The following ITFG1 variants were observed in gnomAD, a reference collection of about 807,000 sequenced individuals.
The protein encoded by ITFG1 is integrin alpha FG-GAP repeat containing 1.
ITFG1 carries 34 observed loss-of-function variants against 81.8 expected under a neutral mutation model. That is an observed-to-expected ratio of 0.42 (90% CI 0.32 to 0.55). ITFG1 has a LOEUF of 0.55. ITFG1 is among the 20% of genes least tolerant of loss of function. The pLI, the probability that ITFG1 is intolerant of heterozygous loss-of-function variation, is 0.17. For synonymous variants in ITFG1, 285 were observed against 270.6 expected (o/e 1.05, Z -0.52); for missense variants, 672 against 755.4 (o/e 0.89, Z 1.29).
rs147762303 is a variant in ITFG1, at chr16:47,238,266, CA to C, written c.1331-259del. On this transcript the variant is annotated intron_variant, in intron 12 of 17. Transcript: ENST00000320640. ...GAGATAAATTATGATTATATCATAC[CA>C]TACCTAAAATAGAACCTGTTGGTTC... 2.6e-3 allele frequency: 707 copies of C among 270,134 alleles called. 6 individuals carry two copies. Among genetic ancestry groups the C allele is most frequent in the African/African-American group, 0.015 (659 of 45,124 alleles). The allele number at this position is 270,134 out of a possible 1,614,324, so 16.7% of individuals were successfully genotyped here.
rs1031243179 is a variant in ITFG1 at position 47,460,906 on chromosome 16, C to A, written c.140G>T (p.Trp47Leu). 1.9e-6 allele frequency: 3 copies of A among 1,613,402 alleles called. No homozygotes were observed. In the Admixed American group the frequency reaches 5.0e-5, roughly 27 times the overall value. Reference sequence around the variant, plus strand: ...GTCCCCGAAAGCCGCAAGGGTGCCCCAGGCCTCGGCCCCAAAGAGCTCGGC... The same window carrying A: ...GTCCCCGAAAGCCGCAAGGGTGCCCAAGGCCTCGGCCCCAAAGAGCTCGGC... Reference protein sequence around the residue: ...VTAELFGAEAWGTLAAFGDLN... With the variant: ...VTAELFGAEALGTLAAFGDLN... The change falls in exon 1 of 18, where the codon TGG becomes TTG. Residue 47 changes from tryptophan to leucine, a missense_variant. Physicochemically the swap from Trp to Leu is moderately conservative, Grantham distance 61. Coordinates refer to ENST00000320640, the MANE Select transcript of ITFG1 (RefSeq NM_030790.5).
chr16:47,334,160 T>C (rs1967672568), intron 8 of ITFG1, among the ~76,000 whole-genome samples: 1 of 152,184 alleles, frequency 6.6e-6, no homozygotes, highest in South Asian at 2.1e-4. Context: ...TGAATGAATA[T>C]ATTTTAGGCT....
intron 6 of ITFG1, among the ~76,000 whole-genome samples, chr16:47,396,991 T>G (rs998443951): frequency 7.2e-5 from 11 of 152,044 alleles, no homozygotes; most frequent in African/African-American, 2.7e-4. Context: ...AGATGTTATG[T>G]CTCCAGTGAA....
chr16:47,324,533 C>A (rs569302732), intron 8 of ITFG1, among the ~76,000 whole-genome samples: 1 of 152,080 alleles, frequency 6.6e-6, no homozygotes, highest in Non-Finnish European at 1.5e-5. Flanking sequence ...TTAAAAGGCA[C>A]GGACTGGCAA....
intron 6 of ITFG1, among the ~76,000 whole-genome samples, chr16:47,391,171 C>A (rs1968525543): frequency 6.6e-6 from 1 of 152,032 alleles, no homozygotes; most frequent in Non-Finnish European, 1.5e-5. Context: ...CAGAGAACTT[C>A]AGATCAGGTT....
intron 8 of ITFG1, among the ~76,000 whole-genome samples, chr16:47,356,529 A>G (rs1275026759): frequency 6.6e-6 from 1 of 152,230 alleles, no homozygotes; most frequent in East Asian, 1.9e-4. Context: ...ACAGGAAAAT[A>G]GGATTGCTTT....
chr16:47,446,936 C>T (rs1369907193), intron 5 of ITFG1, among the ~76,000 whole-genome samples: 1 of 151,676 alleles, frequency 6.6e-6, no homozygotes, highest in Non-Finnish European at 1.5e-5. Context: ...AATCACGGCT[C>T]ACTGCAGCCT....
intron 14 of ITFG1, 146 bp from the exon 15 acceptor site, chr16:47,162,810 T>C: frequency 1.5e-6 from 1 of 675,738 alleles, no homozygotes; most frequent in Non-Finnish European, 2.4e-6. Context: ...GTCATTAATA[T>C]TAATGATTCA....
chr16:47,371,278 T>C lies in ITFG1; in HGVS notation c.720+4598A>G, dbSNP rs537841870. 2.6e-5 allele frequency among the ~76,000 whole-genome samples: 4 copies of C among 152,348 alleles called. No individual in the cohort carries two copies. The South Asian group carries it at 8.3e-4, about 32-fold the overall frequency. ...AAGCATTCCTTGACTTATTAAAAAA[T>C]GTATTTTTACAAGGATTTTGTGAGG... On this transcript the variant is annotated intron_variant, in intron 7 of 17. Coordinates refer to ENST00000320640, the MANE Select transcript of ITFG1 (RefSeq NM_030790.5).
chr16:47,258,817 G>T, intron 11 of ITFG1, 77 bp from the exon 12 acceptor site: 1 of 589,726 alleles, frequency 1.7e-6, no homozygotes, highest in Non-Finnish European at 2.9e-6. Flanking sequence ...AAAATGCATG[G>T]CATATTGTTT....
In ITFG1 at chr16:47,370,255, C is replaced by T. The variant is rs182252723; in HGVS notation, c.721-4386G>A. Among the ~76,000 whole-genome samples, 63 of 152,306 alleles carry T rather than the reference C, an allele frequency of 4.1e-4. 1 individual carries two copies. In the East Asian group the frequency reaches 0.011, roughly 26 times the overall value. ...AGAAAAACTAAAGCCTGAAACCAAG[C>T]AGCCAGTTCCGGGTAAAGTCCCCGA... On this transcript the variant is annotated intron_variant, in intron 7 of 17. Coordinates refer to ENST00000320640, the MANE Select transcript of ITFG1 (RefSeq NM_030790.5).
chr16:47,318,786 T>C (rs563689277), intron 8 of ITFG1, among the ~76,000 whole-genome samples: 2 of 152,154 alleles, frequency 1.3e-5, no homozygotes, highest in Non-Finnish European at 1.5e-5. Flanking sequence ...GAAAAAAGAG[T>C]AGAATTGCCT....
chr16:47,418,989 G>T (rs1968907407), intron 6 of ITFG1, among the ~76,000 whole-genome samples: 1 of 152,082 alleles, frequency 6.6e-6, no homozygotes, highest in Admixed American at 6.5e-5. Context: ...TGGAAATATG[G>T]TCATATAATG....
intron 12 of ITFG1, among the ~76,000 whole-genome samples, chr16:47,245,992 T>C (rs1965998350): frequency 6.6e-6 from 1 of 152,188 alleles, no homozygotes; most frequent in South Asian, 2.1e-4. Flanking sequence ...CCTACGATGA[T>C]AGGAGATGAG....
At chr16:47,330,735 T>A (rs1967626140) in intron 8 of ITFG1, among the ~76,000 whole-genome samples, 1 of 152,088 alleles carries the variant, frequency 6.6e-6, no homozygotes, top group East Asian at 1.9e-4. Context: ...TCAATATCAC[T>A]AATCATCAGA....
chr16:47,415,532 A>C (rs1405242624), intron 6 of ITFG1, among the ~76,000 whole-genome samples: 1 of 152,248 alleles, frequency 6.6e-6, no homozygotes, highest in Non-Finnish European at 1.5e-5. Context: ...TCAGAATAAC[A>C]GAATTTGCAA....
At chr16:47,376,687 C>T (rs529618020) in intron 6 of ITFG1, among the ~76,000 whole-genome samples, 2 of 152,226 alleles carry the variant, frequency 1.3e-5, no homozygotes, top group South Asian at 4.1e-4. Context: ...CTGTTTTATG[C>T]TTTGAAAAAC....
At chr16:47,325,335 G>A (rs1206807196) in intron 8 of ITFG1, among the ~76,000 whole-genome samples, 1 of 152,128 alleles carries the variant, frequency 6.6e-6, no homozygotes, top group African/African-American at 2.4e-5. Context: ...GTGTGTAGAG[G>A]GAAATTTATA....
intron 6 of ITFG1, among the ~76,000 whole-genome samples, chr16:47,384,928 C>T (rs1414832655): frequency 2.6e-5 from 4 of 152,178 alleles, no homozygotes; most frequent in Admixed American, 2.6e-4. Flanking sequence ...CTTCTCTCTA[C>T]TCCTTCCTTG....
Sources: gnomAD v4.1 joint callset for allele counts (sites outside exome capture counted in the v4.1 genomes callset) on GRCh38, gnomAD v4.1.1 for gene constraint, MANE v1.5 for transcripts, NCBI Gene and HGNC (gene_info 2026-07-23, HGNC 2026-07-21) for gene names.